The following ZNF879 variants were observed in gnomAD, a reference collection of about 807,000 sequenced individuals.
ZNF879 encodes zinc finger protein 879.
A neutral mutation model predicts 44.3 loss-of-function variants in ZNF879; 32 were observed. The observed-to-expected ratio is 0.72, with a 90% CI of 0.54 to 0.97. The LOEUF (loss-of-function observed/expected upper bound fraction) is 0.97, where lower values mean the gene tolerates loss of function less well. Among genes scored for constraint, ZNF879 ranks in the 50% least tolerant of loss-of-function variants. The probability of loss-of-function intolerance (pLI) is 0.00; values close to 1 mark genes in which losing one functional copy is unlikely to be tolerated. For synonymous variants in ZNF879, 234 were observed against 233.2 expected, an observed-to-expected ratio of 1.00 and a Z score of -0.03; for missense variants, 621 against 669.7, an observed-to-expected ratio of 0.93 and a Z score of 0.80.
chr5:179,033,704 A>G lies in ZNF879; in HGVS notation c.*64A>G, dbSNP rs1282147286. 2.4e-6 allele frequency: 3 copies of G among 1,234,042 alleles called. No homozygotes were observed. The highest frequency in any genetic ancestry group is 1.5e-5 in the African/African-American group (1 of 65,474). The allele number at this position is 1,234,042 out of a possible 1,614,324, so 76.4% of individuals were successfully genotyped here. On this transcript the variant is annotated 3_prime_UTR_variant, in exon 5 of 5. Coordinates refer to ENST00000444149, the MANE Select transcript of ZNF879 (RefSeq NM_001136116.3). ...TTCCATACTGAGTATCAAAAAATTC[A>G]TTGTGGGGAGAAAGTGATGAAGAGT... is the stretch of plus-strand genomic sequence containing the variant.
rs903627014 is a variant in ZNF879 at position 179,032,247 on chromosome 5, A to G, written c.299A>G (p.Asn100Ser). The G allele has an allele frequency of 5.9e-6, 9 of 1,532,276 alleles. No individual in the cohort carries two copies. Among genetic ancestry groups the G allele is most frequent in the Non-Finnish European group, 7.9e-6 (9 of 1,141,772 alleles). 94.9% of individuals were successfully genotyped at this position (1,532,276 alleles called of 1,614,324 possible). Residue 100 changes from asparagine to serine, a missense_variant, in exon 5 of 5, where the codon AAT (asparagine) becomes AGT (serine). Physicochemically the swap from Asn to Ser is conservative, Grantham distance 46 (BLOSUM62 1). Transcript: ENST00000444149. ...LFGTIVSKEE[N>S]QEVMKKLIID... is the part of the protein sequence containing the mutation. ...GGAACCATAGTTTCTAAAGAAGAAA[A>G]TCAGGAAGTCATGAAAAAACTCATA...
Position 179,034,302 on chromosome 5 carries a change from A to G in ZNF879, c.*662A>G, listed in dbSNP as rs544988845. 6.6e-6 allele frequency: 1 copy of G among 152,360 alleles called. No individual in the cohort carries two copies. The highest frequency in any genetic ancestry group is 1.9e-4 in the East Asian group (1 of 5,188). 9.4% of individuals were successfully genotyped at this position (152,360 alleles called of 1,614,324 possible). A position where few individuals can be genotyped will look rare whatever the true frequency, so the allele number is the denominator to read the frequency against. ...ATCTAAAGTCACTTTAAGTCACAGA[A>G]CGCATGGTATTTCACTTGTTTTTCT... On this transcript the variant is annotated 3_prime_UTR_variant, in exon 5 of 5. Transcript: ENST00000444149.
rs763793778 is a variant in ZNF879 at position 179,032,695 on chromosome 5, G to A, written c.747G>A (p.Gln249=). ...TCAGCCAAAGCTCATCCCTAACTCA[G>A]CACTTGAGGGTTCATACAGGAGAGA... ...KAFSQSSSLT[Q]HLRVHTGEKP... Residue 249 remains glutamine (Q), a synonymous_variant, in exon 5 of 5, where the codon CAG becomes CAA. Transcript: ENST00000444149. 2 of 1,560,138 alleles carry A rather than the reference G, an allele frequency of 1.3e-6. No homozygotes were observed. Among genetic ancestry groups the A allele is most frequent in the Non-Finnish European group, 1.7e-6 (2 of 1,152,404 alleles).
At chr5:179,028,258 C>A in intron 4 of ZNF879, 131 bp downstream of exon 4, 3 of 737,346 alleles carry the variant, frequency 4.1e-6, no homozygotes, top group Non-Finnish European at 6.8e-6. Context: ...GATCCTTTCT[C>A]TTTTGATTAC....
chr5:179,032,312 A>T lies in ZNF879; in HGVS notation c.364A>T (p.Ile122Leu). 1 of 1,550,952 alleles carries T rather than the reference A, an allele frequency of 6.4e-7. No individual in the cohort carries two copies. The highest frequency in any genetic ancestry group is 8.7e-7 in the Non-Finnish European group (1 of 1,146,870). Reference protein sequence around the residue: ...TFDFKLEKTYINEDKLEKQQG... With the variant: ...TFDFKLEKTYLNEDKLEKQQG... ...TGACTTCAAGTTGGAGAAGACCTAC[A>T]TAAATGAAGATAAGTTAGAGAAGCA... The change falls in exon 5 of 5, where the codon ATA (isoleucine) becomes TTA (leucine). Residue 122 changes from isoleucine to leucine, a missense_variant. Physicochemically the swap from Ile to Leu is conservative, Grantham distance 5. Transcript: ENST00000444149.
chr5:179,034,006 G>A lies in ZNF879; in HGVS notation c.*366G>A, dbSNP rs1001345262. The A allele has an allele frequency of 6.0e-6, 1 of 167,458 alleles. No individual in the cohort carries two copies. The highest frequency in any genetic ancestry group is 1.3e-5 in the Non-Finnish European group (1 of 78,486). The allele number at this position is 167,458 out of a possible 1,614,324, so 10.4% of individuals were successfully genotyped here. A position where few individuals can be genotyped will look rare whatever the true frequency, so the allele number is the denominator to read the frequency against. ...TAAAATCCAGACACAGATAAATCTA[G>A]GAATCTATTTTTTGAAACTATTATG... On this transcript the variant is annotated 3_prime_UTR_variant, in exon 5 of 5. Transcript: ENST00000444149.
rs773460949 is a variant in ZNF879, at chr5:179,033,115, A to G, written c.1167A>G (p.Ile389Met). 2.4e-5 allele frequency: 38 copies of G among 1,579,570 alleles called. No individual in the cohort carries two copies. Among genetic ancestry groups the G allele is most frequent in the Admixed American group, 3.7e-5 (2 of 54,222 alleles). ...KVFSYHSALI[I>M]HQRIHTGEKP... ...TCAGCTATCACTCAGCCCTTATCAT[A>G]CATCAGAGAATTCACACTGGTGAGA... The change falls in exon 5 of 5, where the codon ATA becomes ATG. Residue 389 changes from isoleucine to methionine, a missense_variant. Coordinates refer to ENST00000444149, the MANE Select transcript of ZNF879 (RefSeq NM_001136116.3).
Position 179,032,342 on chromosome 5 carries a change from G to A in ZNF879, c.394G>A (p.Gly132Ser). The change falls in exon 5 of 5, where the codon GGC becomes AGC. Residue 132 changes from glycine to serine, a missense_variant. Physicochemically the swap from Gly to Ser is moderately conservative, Grantham distance 56 (BLOSUM62 0). Transcript: ENST00000444149. ...TGAAGATAAGTTAGAGAAGCAACAA[G>A]GCAAAAAGAACAGACTTTTCAGTAA... The part of the protein sequence containing the change: ...INEDKLEKQQ[G>S]KKNRLFSKVL... 12 of 1,551,098 alleles carry A rather than the reference G, an allele frequency of 7.7e-6. No homozygotes were observed. The highest frequency in any genetic ancestry group is 1.0e-5 in the Non-Finnish European group (12 of 1,146,870).
intron 1 of ZNF879, among the ~76,000 whole-genome samples, 186 bp downstream of exon 1, chr5:179,024,090 G>T (rs1258809411): frequency 6.6e-6 from 1 of 152,186 alleles, no homozygotes; most frequent in Non-Finnish European, 1.5e-5. Context: ...AGGCCGGGAG[G>T]GCGCTTCGAC....
intron 4 of ZNF879, among the ~76,000 whole-genome samples, chr5:179,028,932 A>G (rs1361478306): frequency 6.6e-6 from 1 of 152,052 alleles, no homozygotes; most frequent in African/African-American, 2.4e-5. Context: ...TTGCGTTTCC[A>G]TTCGTGAACT....
intron 4 of ZNF879, among the ~76,000 whole-genome samples, chr5:179,028,927 TTTCCA>T (rs1227706626): frequency 1.3e-5 from 2 of 152,206 alleles, no homozygotes; most frequent in Non-Finnish European, 2.9e-5. Context: ...CACTTTTGCG[TTTCCA>T]TTCGTGAACT....
intron 3 of ZNF879, 49 bp from the exon 4 acceptor site, chr5:179,027,983 A>G (rs781281575): frequency 4.6e-5 from 69 of 1,514,368 alleles, no homozygotes; most frequent in Non-Finnish European, 5.7e-5. Flanking sequence ...CTGGGGCTGG[A>G]CCCGCCTGCT....
chr5:179,032,115 C>A, intron 4 of ZNF879, 90 bp from the exon 5 acceptor site: 3 of 989,430 alleles, frequency 3.0e-6, no homozygotes, highest in South Asian at 1.9e-5. Context: ...GATTTCAAGG[C>A]TTTATATTTT....
chr5:179,033,557 GA>G lies in ZNF879; in HGVS notation c.1614del (p.Lys538AsnfsTer37). 1 of 1,552,266 alleles carries G rather than the reference GA, an allele frequency of 6.4e-7. No individual in the cohort carries two copies. The highest frequency in any genetic ancestry group is 8.7e-7 in the Non-Finnish European group (1 of 1,147,700). Reference sequence around the variant, plus strand: ...GACACACATGAGAATTCATACAGGGGAAAAACCTTATAAATGTAAAGAATGT... The same window carrying G: ...GACACACATGAGAATTCATACAGGGGAAAACCTTATAAATGTAAAGAATGT... Reference protein sequence around the residue: ...LMTHMRIHTGEKPYKCKECGK... With the variant: ...LMTHMRIHTGXKPYKCKECGK... On this transcript the variant is annotated frameshift_variant, in exon 5 of 5. Coordinates refer to ENST00000444149, the MANE Select transcript of ZNF879 (RefSeq NM_001136116.3). LOFTEE classifies it high-confidence loss of function.
Position 179,027,510 on chromosome 5 carries a change from G to T in ZNF879, c.71G>T (p.Ser24Ile), listed in dbSNP as rs757716572. Residue 24 changes from serine (S) to isoleucine (I), a missense_variant, in exon 3 of 5, where the codon AGC becomes ATC. Coordinates refer to ENST00000444149, the MANE Select transcript of ZNF879 (RefSeq NM_001136116.3). ...TTCAGGGATGTGGCCGTGTTCTTCAGCCAGGACGAGTGGTTGCACCTGGAC... is the reference window on the plus strand; with the variant it reads ...TTCAGGGATGTGGCCGTGTTCTTCATCCAGGACGAGTGGTTGCACCTGGAC... ...VTFRDVAVFF[S>I]QDEWLHLDSA... The T allele has an allele frequency of 6.2e-7, 1 of 1,614,166 alleles. No individual in the cohort carries two copies. The highest frequency in any genetic ancestry group is 8.5e-7 in the Non-Finnish European group (1 of 1,180,030).
chr5:179,024,535 C>G (rs556245312), intron 1 of ZNF879: 1 of 154,056 alleles, frequency 6.5e-6, no homozygotes, highest in Non-Finnish European at 1.4e-5. Flanking sequence ...GTAAATCTTA[C>G]AAGAGGAAGA....
At position 179,028,086 on chromosome 5, in the gene ZNF879, C is replaced by G; in HGVS notation, c.215C>G (p.Pro72Arg). The change falls in exon 4 of 5, where the codon CCC becomes CGC. Residue 72 changes from proline (P) to arginine (R), a missense_variant. By Grantham distance (103) the Pro-to-Arg change is moderately radical. Coordinates refer to ENST00000444149, the MANE Select transcript of ZNF879 (RefSeq NM_001136116.3). ...VISQLEQGED[P>R]WMVESGVPQG... ...TCCCAGTTAGAGCAAGGAGAAGACC[C>G]CTGGATGGTGGAGAGTGGAGTTCCC... is the stretch of plus-strand genomic sequence containing the variant. 6.4e-7 allele frequency: 1 copy of G among 1,551,474 alleles called. No individual in the cohort carries two copies. Among genetic ancestry groups the G allele is most frequent in the Non-Finnish European group, 8.7e-7 (1 of 1,146,956 alleles).
intron 2 of ZNF879, 181 bp from the exon 3 acceptor site, chr5:179,027,292 A>G: frequency 4.9e-6 from 4 of 821,394 alleles, no homozygotes; most frequent in African/African-American, 1.7e-5. Flanking sequence ...TCTGTGTTCA[A>G]GCTTCCTGAG....
At chr5:179,031,176 AT>A (rs563950688) in intron 4 of ZNF879, among the ~76,000 whole-genome samples, 79 of 152,318 alleles carry the variant, frequency 5.2e-4, no homozygotes, top group African/African-American at 1.9e-3. Flanking sequence ...TGTTTTTCAT[AT>A]AGCAACCAGA....
Sources: allele counts gnomAD v4.1 joint callset (sites outside exome capture counted in the v4.1 genomes callset), GRCh38; gene constraint gnomAD v4.1.1; transcripts MANE v1.5; gene names NCBI Gene and HGNC (gene_info 2026-07-23, HGNC 2026-07-21).